The following NEDD9 variants were observed in gnomAD, a reference collection of about 807,000 sequenced individuals.
NEDD9 encodes enhancer of filamentation 1.
NEDD9 carries 26 observed loss-of-function variants against 76.6 expected under a neutral mutation model. The ratio of observed to expected loss-of-function variants is 0.34; its 90% confidence interval spans 0.25 to 0.47. NEDD9 has a LOEUF of 0.47. Ranked by LOEUF, NEDD9 falls within the 20% of genes least tolerant of loss-of-function variation. NEDD9 has a pLI of 1.00. For missense variants in NEDD9, 937 were observed against 1,058.5 expected (o/e 0.89, Z 1.59); for synonymous variants, 392 against 414.2 (o/e 0.95, Z 0.65).
rs1284523468 is a variant in NEDD9 at position 11,370,799 on chromosome 6, A to G, written c.-214+11340T>C. Among the ~76,000 whole-genome samples, 1 of 152,198 alleles carries G rather than the reference A, an allele frequency of 6.6e-6. No homozygotes were observed. On this transcript the variant is annotated intron_variant, in intron 1 of 3. Transcript: ENST00000397378. This position sits in a 1 kb window ranked among gnomAD's most constrained non-coding sequence, Gnocchi z 4.2. The stretch of plus-strand genomic sequence containing the variant: ...CGTCCTTCACCCACCCACGGAGCCA[A>G]CGGTTCAGAGGCAGAAACAGACCAT...
At chr6:11,240,353 C>A (rs1759688134) in intron 3 of NEDD9, among the ~76,000 whole-genome samples, 1 of 152,188 alleles carries the variant, frequency 6.6e-6, no homozygotes, top group African/African-American at 2.4e-5. Flanking sequence ...CAGCCCCTTA[C>A]AACCACCACT....
intron 3 of NEDD9, among the ~76,000 whole-genome samples, chr6:11,280,075 A>C (rs974143703): frequency 6.6e-6 from 1 of 152,144 alleles, no homozygotes; most frequent in Non-Finnish European, 1.5e-5. Flanking sequence ...TGTGCATTAT[A>C]GGATGTTTTG....
At chr6:11,365,397 C>G (rs764856268) in intron 1 of NEDD9, among the ~76,000 whole-genome samples, 2 of 152,194 alleles carry the variant, frequency 1.3e-5, no homozygotes, top group Non-Finnish European at 2.9e-5. Flanking sequence ...CACAGTACAT[C>G]TACGTGTAGA....
chr6:11,330,522 C>T (rs1762013328), intron 2 of NEDD9, among the ~76,000 whole-genome samples: 1 of 152,166 alleles, frequency 6.6e-6, no homozygotes, highest in Non-Finnish European at 1.5e-5. Context: ...CAAAGGCAAC[C>T]AGTGCTTTCT....
At chr6:11,214,953 T>C (rs1003065829) in intron 1 of NEDD9, among the ~76,000 whole-genome samples, 18 of 152,250 alleles carry the variant, frequency 1.2e-4, no homozygotes, top group African/African-American at 4.1e-4. Flanking sequence ...GCTGTCATTG[T>C]CTGAGCTTTT....
At chr6:11,356,190 C>A (rs966503162) in intron 1 of NEDD9, among the ~76,000 whole-genome samples, 4 of 152,148 alleles carry the variant, frequency 2.6e-5, no homozygotes, top group African/African-American at 9.7e-5. Flanking sequence ...CGAGGGACCA[C>A]CCTCTAGAAT....
chr6:11,236,445 A>G (rs9368621), upstream of NEDD9, among the ~76,000 whole-genome samples: 126,588 of 152,244 alleles, frequency 0.83, 52,807 homozygotes, highest in East Asian at 0.96. This position sits in a 1 kb window ranked among gnomAD's most constrained non-coding sequence, Gnocchi z 5.5. Context: ...GAGGCTAGAA[A>G]GAAGAAATAC....
intron 2 of NEDD9, among the ~76,000 whole-genome samples, chr6:11,210,442 A>G (rs573688532): frequency 1.3e-5 from 2 of 152,314 alleles, no homozygotes; most frequent in South Asian, 2.1e-4. Flanking sequence ...TATCTTACAG[A>G]TGAAAAATTT....
At chr6:11,188,188 C>A (rs1436639869) in intron 6 of NEDD9, 30 bp downstream of exon 6, 1 of 1,555,514 alleles carries the variant, frequency 6.4e-7, no homozygotes, top group Non-Finnish European at 8.9e-7. Flanking sequence ...CTTTCCAATG[C>A]CAAGCAGTTT....
intron 3 of NEDD9, among the ~76,000 whole-genome samples, chr6:11,270,702 C>T (rs4713334): frequency 0.19 from 28,215 of 152,138 alleles, 2,923 homozygotes; most frequent in Middle Eastern, 0.28. Context: ...AGTGAAGTTA[C>T]TTAACACAGC....
intron 1 of NEDD9, among the ~76,000 whole-genome samples, chr6:11,351,795 T>A (rs1224570081): frequency 1.3e-5 from 2 of 152,258 alleles, no homozygotes; most frequent in African/African-American, 2.4e-5. Flanking sequence ...CTGTGTCATG[T>A]AAAACTTATA....
At chr6:11,192,080 C>T (rs1282390598) in intron 4 of NEDD9, among the ~76,000 whole-genome samples, 1 of 152,204 alleles carries the variant, frequency 6.6e-6, no homozygotes, top group Non-Finnish European at 1.5e-5. Flanking sequence ...TAATTATCTT[C>T]CCTGCCAAAG....
At chr6:11,253,989 G>A (rs1355978437) in intron 3 of NEDD9, among the ~76,000 whole-genome samples, 3 of 152,076 alleles carry the variant, frequency 2.0e-5, no homozygotes, top group Non-Finnish European at 4.4e-5. Context: ...TGAAATTACA[G>A]ATAAAATACA....
intron 2 of NEDD9, among the ~76,000 whole-genome samples, chr6:11,329,582 A>C (rs1883238): frequency 6.6e-6 from 1 of 152,050 alleles, no homozygotes; most frequent in South Asian, 2.1e-4. Flanking sequence ...TTTTAAGAGC[A>C]CTTACAATGT....
intron 1 of NEDD9, among the ~76,000 whole-genome samples, chr6:11,360,703 A>G (rs1762664845): frequency 6.6e-6 from 1 of 152,160 alleles, no homozygotes. Context: ...TGCCAGCATC[A>G]TGCTTCCTGT....
At chr6:11,323,047 T>C (rs1309330469) in intron 2 of NEDD9, among the ~76,000 whole-genome samples, 1 of 152,214 alleles carries the variant, frequency 6.6e-6, no homozygotes, top group Non-Finnish European at 1.5e-5. Context: ...TATTTTTTTC[T>C]CTTTGAAGAT....
At chr6:11,278,284 G>A (rs1224736241) in intron 3 of NEDD9, among the ~76,000 whole-genome samples, 3 of 152,100 alleles carry the variant, frequency 2.0e-5, no homozygotes, top group African/African-American at 7.2e-5. Flanking sequence ...GACCCTGCCT[G>A]TAACGCTGAC....
chr6:11,377,467 G>A (rs1015525867), intron 1 of NEDD9, among the ~76,000 whole-genome samples: 1 of 152,230 alleles, frequency 6.6e-6, no homozygotes, highest in African/African-American at 2.4e-5. Flanking sequence ...TTGTATTTTG[G>A]ACCTTTAAGA....
At chr6:11,285,971 T>C (rs1022728081) in intron 3 of NEDD9, among the ~76,000 whole-genome samples, 1 of 152,054 alleles carries the variant, frequency 6.6e-6, no homozygotes, top group Admixed American at 6.6e-5. Flanking sequence ...GCACAATCCA[T>C]AAAAGAAAAA....
Sources: gnomAD v4.1 joint callset for allele counts (sites outside exome capture counted in the v4.1 genomes callset) on GRCh38, gnomAD v4.1.1 for gene constraint, Gnocchi (gnomAD v3.1) non-coding constraint, MANE v1.5 for transcripts, NCBI Gene and HGNC (gene_info 2026-07-23, HGNC 2026-07-21) for gene names.